The following HOOK3 variants were observed in gnomAD, a reference collection of about 807,000 sequenced individuals.
The protein encoded by HOOK3 is hook microtubule tethering protein 3, also known as protein Hook homolog 3.
A neutral mutation model predicts 116.3 loss-of-function variants in HOOK3; 24 were observed. The ratio of observed to expected loss-of-function variants is 0.21; its 90% confidence interval spans 0.15 to 0.29. The LOEUF is 0.29. Ranked by LOEUF, HOOK3 falls within the 10% of genes least tolerant of loss-of-function variation. The pLI is 1.00. For synonymous variants in HOOK3, 275 were observed against 283.0 expected, an observed-to-expected ratio of 0.97 and a Z score of 0.28; for missense variants, 632 against 830.2, an observed-to-expected ratio of 0.76 and a Z score of 2.93.
chr8:43,017,322 G>A (rs570072816), intron 21 of HOOK3, among the ~76,000 whole-genome samples: 19 of 152,240 alleles, frequency 1.2e-4, no homozygotes, highest in Admixed American at 3.9e-4. Context: ...GCTACAGTGC[G>A]GTGGTGTAAT....
At chr8:42,986,527 CTTTA>C (rs1809052165) in intron 14 of HOOK3, 124 bp from the exon 15 acceptor site, 3 of 589,764 alleles carry the variant, frequency 5.1e-6, no homozygotes, top group Non-Finnish European at 8.3e-6. Flanking sequence ...GTTGCAGGTT[CTTTA>C]TTTTTCATTT....
chr8:42,956,566 A>G (rs902198575), intron 6 of HOOK3, among the ~76,000 whole-genome samples: 3 of 150,936 alleles, frequency 2.0e-5, no homozygotes, highest in Admixed American at 1.3e-4. Context: ...TTATTTATTT[A>G]TTTGTTTATT....
intron 8 of HOOK3, among the ~76,000 whole-genome samples, chr8:42,961,144 T>G (rs1240531744): frequency 6.6e-6 from 1 of 152,178 alleles, no homozygotes; most frequent in Non-Finnish European, 1.5e-5. Flanking sequence ...CATTCATGAG[T>G]GATCCAGTGC....
chr8:42,908,450 A>G (rs921556922), intron 2 of HOOK3, among the ~76,000 whole-genome samples: 2 of 152,250 alleles, frequency 1.3e-5, no homozygotes, highest in African/African-American at 4.8e-5. Flanking sequence ...CAGTGCTGGC[A>G]TAAAAATAGA....
At chr8:42,986,318 A>G (rs937069452) in intron 14 of HOOK3, among the ~76,000 whole-genome samples, 43 of 152,356 alleles carry the variant, frequency 2.8e-4, no homozygotes, top group African/African-American at 1.0e-3. Context: ...TCATAGCATC[A>G]TTAGAGATTA....
At chr8:42,972,094 GT>G (rs750817568) in intron 11 of HOOK3, among the ~76,000 whole-genome samples, 2 of 151,934 alleles carry the variant, frequency 1.3e-5, no homozygotes, top group Admixed American at 1.3e-4. Flanking sequence ...TTATTTTTTG[GT>G]TGTTATTGCT....
At chr8:42,939,739 G>A (rs552982252) in intron 4 of HOOK3, among the ~76,000 whole-genome samples, 8 of 150,902 alleles carry the variant, frequency 5.3e-5, no homozygotes, top group East Asian at 2.0e-4. Flanking sequence ...GGCGGCTGCC[G>A]GGCGGAGGGG....
chr8:42,946,851 C>G (rs917860293), intron 5 of HOOK3, among the ~76,000 whole-genome samples: 3 of 144,584 alleles, frequency 2.1e-5, no homozygotes, highest in African/African-American at 7.8e-5. Context: ...TCATTGCAAC[C>G]TCTGCCTCCC....
At chr8:42,928,411 A>G (rs1807811324) in intron 3 of HOOK3, among the ~76,000 whole-genome samples, 1 of 152,022 alleles carries the variant, frequency 6.6e-6, no homozygotes, top group Non-Finnish European at 1.5e-5. Flanking sequence ...AGATTGCGCC[A>G]CTGTACTCCA....
At chr8:42,950,490 A>T (rs1358630860) in intron 6 of HOOK3, 35 bp downstream of exon 6, 6 of 1,411,380 alleles carry the variant, frequency 4.3e-6, no homozygotes, top group Non-Finnish European at 6.0e-6. Flanking sequence ...GTTTATGAAA[A>T]ATTAAAGGAG....
Position 43,013,074 on chromosome 8 carries a change from A to G in HOOK3, c.1863A>G (p.Lys621=). The G allele has an allele frequency of 1.2e-6, 2 of 1,612,080 alleles. No homozygotes were observed. The highest frequency in any genetic ancestry group is 1.7e-6 in the Non-Finnish European group (2 of 1,179,098). ...AKSVIRTLDP[K]QNQGAAPEIQ... ...AGGTCATCCGTACTTTAGATCCTAA[A>G]CAGAATCAAGGAGCAGCACCAGAAA... Residue 621 remains lysine (K), a synonymous_variant, in exon 20 of 22, where the codon AAA becomes AAG. Coordinates refer to ENST00000307602, the MANE Select transcript of HOOK3 (RefSeq NM_032410.4).
Position 43,021,272 on chromosome 8 carries a change from G to A in HOOK3, c.*2774G>A, listed in dbSNP as rs1809823162. 1 of 203,214 alleles carries A rather than the reference G, an allele frequency of 4.9e-6. No individual in the cohort carries two copies. The highest frequency in any genetic ancestry group is 7.6e-5 in the East Asian group (1 of 13,242). The allele number at this position is 203,214 out of a possible 1,614,324, so 12.6% of individuals were successfully genotyped here. Reference sequence around the variant, plus strand: ...ATTTTTTCTCTATCTGGGTTGGAAAGGCCCCAGGCTTTTAGAGGGGAGTTT... The same window carrying A: ...ATTTTTTCTCTATCTGGGTTGGAAAAGCCCCAGGCTTTTAGAGGGGAGTTT... On this transcript the variant is annotated 3_prime_UTR_variant, in exon 22 of 22. Coordinates refer to ENST00000307602, the MANE Select transcript of HOOK3 (RefSeq NM_032410.4).
At chr8:42,937,332 A>C (rs1418588730) in intron 4 of HOOK3, among the ~76,000 whole-genome samples, 1 of 147,422 alleles carries the variant, frequency 6.8e-6, no homozygotes, top group Non-Finnish European at 1.5e-5. Flanking sequence ...TTAAAAAAAA[A>C]CCAGCTCCTG....
intron 5 of HOOK3, among the ~76,000 whole-genome samples, chr8:42,949,040 TC>T (rs1363412104): frequency 6.6e-6 from 1 of 152,238 alleles, no homozygotes; most frequent in African/African-American, 2.4e-5. Flanking sequence ...TTATTTTAAA[TC>T]CTGTGTTGGG....
chr8:42,937,619 AC>A (rs1807997678), intron 4 of HOOK3, among the ~76,000 whole-genome samples: 1 of 152,016 alleles, frequency 6.6e-6, no homozygotes, highest in Non-Finnish European at 1.5e-5. Flanking sequence ...CAGAGAACTT[AC>A]TTATTTCTGC....
intron 13 of HOOK3, among the ~76,000 whole-genome samples, chr8:42,978,504 G>C (rs867597181): frequency 6.6e-6 from 1 of 151,542 alleles, no homozygotes; most frequent in African/African-American, 2.4e-5. Flanking sequence ...TCCGCCTCTC[G>C]GTTTCAAGCG....
At chr8:42,979,083 C>T (rs1242993436) in intron 13 of HOOK3, among the ~76,000 whole-genome samples, 1 of 152,108 alleles carries the variant, frequency 6.6e-6, no homozygotes, top group South Asian at 2.1e-4. Context: ...CACATTGAGA[C>T]TCCATCTGTC....
intron 5 of HOOK3, among the ~76,000 whole-genome samples, chr8:42,944,885 T>C (rs989601731): frequency 1.3e-5 from 2 of 152,222 alleles, no homozygotes; most frequent in African/African-American, 4.8e-5. Flanking sequence ...TCGCTAAGCA[T>C]GTAAATCTGA....
At chr8:42,906,886 C>G (rs1177648890) in intron 2 of HOOK3, among the ~76,000 whole-genome samples, 1 of 152,120 alleles carries the variant, frequency 6.6e-6, no homozygotes, top group African/African-American at 2.4e-5. Context: ...CCTTATAGGT[C>G]AAAATGATCA....
Sources: gnomAD v4.1 joint callset for allele counts (sites outside exome capture counted in the v4.1 genomes callset) on GRCh38, gnomAD v4.1.1 for gene constraint, MANE v1.5 for transcripts, NCBI Gene and HGNC (gene_info 2026-07-23, HGNC 2026-07-21) for gene names.